Variants in ENOX1 observed in about 807,000 individuals in gnomAD.
ENOX1 encodes the protein ecto-NOX disulfide-thiol exchanger 1.
Under a neutral mutation model 82.5 loss-of-function variants are expected in ENOX1, and 42 were observed. That is an observed-to-expected ratio of 0.51 (90% CI 0.40 to 0.66). The LOEUF (loss-of-function observed/expected upper bound fraction) is 0.66. Ranked by LOEUF, ENOX1 falls within the 30% of genes least tolerant of loss-of-function variation. The pLI, the probability that ENOX1 is intolerant of heterozygous loss-of-function variation, is 0.00. For missense variants in ENOX1, 608 were observed against 811.6 expected, an observed-to-expected ratio of 0.75 and a Z score of 3.05; for synonymous variants, 271 against 282.2, an observed-to-expected ratio of 0.96 and a Z score of 0.40.
intron 2 of ENOX1, among the ~76,000 whole-genome samples, chr13:43,556,634 T>C (rs373336000): frequency 2.4e-4 from 37 of 152,214 alleles, no homozygotes; most frequent in African/African-American, 8.7e-4. Context: ...ATTATTTCTT[T>C]CATTCCACAA....
At chr13:43,449,141 T>C (rs1487557347) in intron 3 of ENOX1, among the ~76,000 whole-genome samples, 1 of 152,230 alleles carries the variant, frequency 6.6e-6, no homozygotes, top group Non-Finnish European at 1.5e-5. Context: ...CTGTTCAAAC[T>C]GGCTTATCAA....
chr13:43,234,827 T>C (rs2042448311), intron 15 of ENOX1, among the ~76,000 whole-genome samples: 1 of 152,212 alleles, frequency 6.6e-6, no homozygotes, highest in Non-Finnish European at 1.5e-5. Context: ...TGTATGTGTA[T>C]ACATATATAA....
At chr13:43,574,687 T>C (rs1358540630) in intron 2 of ENOX1, among the ~76,000 whole-genome samples, 1 of 152,228 alleles carries the variant, frequency 6.6e-6, no homozygotes, top group African/African-American at 2.4e-5. Context: ...TCCACTTTCA[T>C]CTCAGTCAGG....
chr13:43,423,432 C>A (rs1262727711), intron 3 of ENOX1, among the ~76,000 whole-genome samples: 1 of 152,202 alleles, frequency 6.6e-6, no homozygotes, highest in Non-Finnish European at 1.5e-5. Context: ...GGATTCAGGG[C>A]AAACACATAC....
chr13:43,642,932 T>C (rs2083719471), intron 2 of ENOX1, among the ~76,000 whole-genome samples: 1 of 152,214 alleles, frequency 6.6e-6, no homozygotes, highest in South Asian at 2.1e-4. Flanking sequence ...TTTGTGTCCA[T>C]GATCATACAG....
chr13:43,652,834 A>G (rs542211397), intron 2 of ENOX1, among the ~76,000 whole-genome samples: 1 of 152,292 alleles, frequency 6.6e-6, no homozygotes, highest in South Asian at 2.1e-4. Flanking sequence ...CATTGGTCCA[A>G]AGGAGAAAGA....
intron 14 of ENOX1, among the ~76,000 whole-genome samples, chr13:43,261,426 G>GAAAC (rs1210476454): frequency 6.6e-6 from 1 of 152,132 alleles, no homozygotes; most frequent in African/African-American, 2.4e-5. Context: ...GAATCCCCCA[G>GAAAC]AAACAAATAT....
At chr13:43,349,421 T>C (rs2049617402) in intron 8 of ENOX1, among the ~76,000 whole-genome samples, 1 of 152,258 alleles carries the variant, frequency 6.6e-6, no homozygotes, top group Non-Finnish European at 1.5e-5. Context: ...AATATTATAA[T>C]GATACTATCA....
chr13:43,714,125 G>A (rs201385490), intron 1 of ENOX1, among the ~76,000 whole-genome samples: 4,967 of 150,454 alleles, frequency 0.033, 212 homozygotes, highest in East Asian at 0.23. Context: ...CTTTGTTCTC[G>A]TTGGTTTCAA....
chr13:43,610,727 T>C (rs2082164292), intron 2 of ENOX1, among the ~76,000 whole-genome samples: 1 of 132,570 alleles, frequency 7.5e-6, no homozygotes. Flanking sequence ...TTTACTTTCA[T>C]GTTGTTAAAA....
chr13:43,403,151 G>A (rs902355747), intron 5 of ENOX1, among the ~76,000 whole-genome samples: 10 of 151,906 alleles, frequency 6.6e-5, no homozygotes, highest in Admixed American at 6.6e-4. Context: ...AGTTCTAAAG[G>A]CTAATGAGTG....
intron 2 of ENOX1, among the ~76,000 whole-genome samples, chr13:43,599,267 A>G (rs2081601183): frequency 6.6e-6 from 1 of 152,100 alleles, no homozygotes; most frequent in African/African-American, 2.4e-5. Flanking sequence ...TGAAGAGGAT[A>G]TAAAAGACAA....
intron 3 of ENOX1, among the ~76,000 whole-genome samples, chr13:43,456,118 C>T (rs922467202): frequency 2.6e-5 from 4 of 151,940 alleles, no homozygotes; most frequent in African/African-American, 9.7e-5. Context: ...CTATAGAATG[C>T]TTTTTATTTT....
At chr13:43,500,225 G>A (rs1242082184) in intron 2 of ENOX1, among the ~76,000 whole-genome samples, 3 of 152,144 alleles carry the variant, frequency 2.0e-5, no homozygotes, top group Non-Finnish European at 4.4e-5. Context: ...ACCTGAAGAC[G>A]GAAATGGACA....
At chr13:43,251,740 T>A (rs1360228812) in intron 14 of ENOX1, among the ~76,000 whole-genome samples, 2 of 152,186 alleles carry the variant, frequency 1.3e-5, no homozygotes, top group African/African-American at 4.8e-5. Flanking sequence ...TTAGAATTTT[T>A]AATGAATGGT....
chr13:43,228,116 T>TTTTTTG (rs2042110557), intron 15 of ENOX1, among the ~76,000 whole-genome samples: 1 of 150,676 alleles, frequency 6.6e-6, no homozygotes, highest in South Asian at 2.1e-4. Flanking sequence ...TTTTTTTTTT[T>TTTTTTG]TTTTTAAAGG....
intron 2 of ENOX1, among the ~76,000 whole-genome samples, chr13:43,581,287 T>C (rs978634378): frequency 7.1e-6 from 1 of 141,686 alleles, no homozygotes; most frequent in Non-Finnish European, 1.5e-5. Flanking sequence ...CGCCCGCCAC[T>C]ACGCCCGGCT....
intron 1 of ENOX1, among the ~76,000 whole-genome samples, chr13:43,701,077 G>C (rs373753610): frequency 3.9e-5 from 6 of 152,172 alleles, no homozygotes; most frequent in African/African-American, 1.4e-4. Flanking sequence ...CAAAACTGTA[G>C]AGACCTTTAG....
intron 15 of ENOX1, among the ~76,000 whole-genome samples, chr13:43,232,978 AC>A (rs1427027354): frequency 2.0e-5 from 3 of 152,186 alleles, no homozygotes; most frequent in Admixed American, 6.5e-5. Context: ...TTCCTTTATA[AC>A]AATATCCAGC....
Sources: gnomAD v4.1 joint callset for allele counts (sites outside exome capture counted in the v4.1 genomes callset) on GRCh38, gnomAD v4.1.1 for gene constraint, MANE v1.5 for transcripts, NCBI Gene and HGNC (gene_info 2026-07-23, HGNC 2026-07-21) for gene names.